Variants in RGS21 observed in about 807,000 individuals in gnomAD.
RGS21 encodes regulator of G-protein signalling 21.
In RGS21, 19 loss-of-function variants were observed where a neutral mutation model predicts 18.7. That is an observed-to-expected ratio of 1.01 (90% CI 0.71 to 1.49). RGS21 has a LOEUF of 1.49. Among genes scored for constraint, RGS21 ranks in the 40% most tolerant of loss-of-function variants. The pLI is 0.00. For synonymous variants in RGS21, 56 were observed against 57.8 expected (o/e 0.97, Z 0.14); for missense variants, 194 against 176.8 (o/e 1.10, Z -0.55).
At chr1:192,354,781 C>T (rs1016252597) in intron 4 of RGS21, among the ~76,000 whole-genome samples, 2 of 151,540 alleles carry the variant, frequency 1.3e-5, no homozygotes, top group African/African-American at 4.8e-5. Flanking sequence ...TACTCATATG[C>T]CTATTATATC....
At chr1:192,344,029 A>G (rs764845603) in intron 2 of RGS21, among the ~76,000 whole-genome samples, 9 of 152,042 alleles carry the variant, frequency 5.9e-5, no homozygotes, top group Non-Finnish European at 1.2e-4. Flanking sequence ...ACAGAAGATG[A>G]TATTTCTTAC....
intron 1 of RGS21, among the ~76,000 whole-genome samples, chr1:192,338,162 T>C (rs1270714582): frequency 6.6e-6 from 1 of 152,146 alleles, no homozygotes; most frequent in East Asian, 1.9e-4. Flanking sequence ...GTATTGCCAT[T>C]GCTCAAAACA....
At chr1:192,360,112 C>T (rs1004426077) in intron 4 of RGS21, among the ~76,000 whole-genome samples, 6 of 151,986 alleles carry the variant, frequency 3.9e-5, no homozygotes, top group Admixed American at 3.3e-4. Context: ...TCCACTCACT[C>T]TCCTGATGAT....
chr1:192,325,902 A>G (rs1658562711), intron 1 of RGS21, among the ~76,000 whole-genome samples: 1 of 152,066 alleles, frequency 6.6e-6, no homozygotes, highest in Admixed American at 6.6e-5. Context: ...TTGTGATACT[A>G]ATAAAATTTT....
At position 192,337,865 on chromosome 1, in the gene RGS21, G is replaced by GAA. The variant is rs544895056; in HGVS notation, c.-60-5107_-60-5106dup. On this transcript the variant is annotated intron_variant, in intron 1 of 4. Transcript: ENST00000417209. Reference sequence around the variant, plus strand: ...TTGAGGTATATGAATTCACTAAAGTGAAAAAATGTTATTTACTTTTAAAAC... The same window carrying GAA: ...TTGAGGTATATGAATTCACTAAAGTGAAAAAAAATGTTATTTACTTTTAAAAC... 1.5e-3 allele frequency among the ~76,000 whole-genome samples: 231 copies of GAA among 152,018 alleles called. 1 individual carries two copies. Among genetic ancestry groups the GAA allele is most frequent in the African/African-American group, 5.4e-3 (222 of 41,488 alleles).
rs544283892 is a variant in RGS21 at position 192,366,194 on chromosome 1, TG to T, written c.*71del. The T allele has an allele frequency of 2.8e-5, 26 of 913,960 alleles. No individual in the cohort carries two copies. Among genetic ancestry groups the T allele is most frequent in the Middle Eastern group, 2.8e-4 (1 of 3,622 alleles). 56.6% of individuals were successfully genotyped at this position (913,960 alleles called of 1,614,324 possible). ...TTTTAAATATACAAGCATGATGCAT[TG>T]TCTTTTGTTTTGTTTTTAGGATTTA... On this transcript the variant is annotated 3_prime_UTR_variant, in exon 5 of 5. Transcript: ENST00000417209.
intron 1 of RGS21, among the ~76,000 whole-genome samples, chr1:192,323,722 T>A (rs1047436196): frequency 6.6e-6 from 1 of 152,110 alleles, no homozygotes; most frequent in African/African-American, 2.4e-5. Flanking sequence ...GAACTGCAGG[T>A]GAAGACTGGA....
intron 1 of RGS21, among the ~76,000 whole-genome samples, chr1:192,321,002 T>C (rs926556847): frequency 1.3e-5 from 2 of 152,022 alleles, no homozygotes; most frequent in Non-Finnish European, 2.9e-5. Context: ...AATATTACCA[T>C]GACTCTATAT....
At chr1:192,318,180 A>C (rs1272800595) in intron 1 of RGS21, among the ~76,000 whole-genome samples, 1 of 152,154 alleles carries the variant, frequency 6.6e-6, no homozygotes, top group Non-Finnish European at 1.5e-5. Flanking sequence ...CATTATCTAA[A>C]AAAAACCTAG....
chr1:192,357,559 G>A (rs1274287965), intron 4 of RGS21, among the ~76,000 whole-genome samples: 1 of 151,804 alleles, frequency 6.6e-6, no homozygotes, highest in Non-Finnish European at 1.5e-5. Context: ...CACATTTTAA[G>A]GTGAAAAACT....
chr1:192,343,229 G>A (rs1310724373), intron 2 of RGS21, among the ~76,000 whole-genome samples, 182 bp downstream of exon 2: 1 of 151,804 alleles, frequency 6.6e-6, no homozygotes, highest in South Asian at 2.1e-4. Flanking sequence ...AGAATTTGTG[G>A]CTTACTTTTG....
At chr1:192,357,404 A>G (rs1173588710) in intron 4 of RGS21, among the ~76,000 whole-genome samples, 2 of 151,908 alleles carry the variant, frequency 1.3e-5, no homozygotes, top group African/African-American at 2.4e-5. Flanking sequence ...CTCCTTCAAA[A>G]GAAGAAAGGG....
At chr1:192,333,888 G>C (rs560678055) in intron 1 of RGS21, among the ~76,000 whole-genome samples, 10 of 152,066 alleles carry the variant, frequency 6.6e-5, no homozygotes, top group African/African-American at 2.4e-4. Context: ...CCAACCACTG[G>C]GATAGACTGT....
chr1:192,337,926 T>G (rs1658797197), intron 1 of RGS21, among the ~76,000 whole-genome samples: 1 of 152,184 alleles, frequency 6.6e-6, no homozygotes, highest in Non-Finnish European at 1.5e-5. Flanking sequence ...TCAGAAATCT[T>G]GAACTTCTAA....
intron 4 of RGS21, among the ~76,000 whole-genome samples, chr1:192,355,660 CA>C: frequency 6.6e-6 from 1 of 151,284 alleles, no homozygotes; most frequent in South Asian, 2.1e-4. Context: ...GAGTGGCAAA[CA>C]AAAAAATTCT....
intron 4 of RGS21, among the ~76,000 whole-genome samples, chr1:192,359,961 A>G (rs1409034423): frequency 2.0e-5 from 3 of 151,816 alleles, no homozygotes; most frequent in Non-Finnish European, 4.4e-5. Context: ...CTCCCTCTTA[A>G]TGGAAATATC....
intron 4 of RGS21, among the ~76,000 whole-genome samples, chr1:192,360,248 T>C (rs554504001): frequency 3.9e-4 from 59 of 152,250 alleles, no homozygotes; most frequent in Non-Finnish European, 7.1e-4. Flanking sequence ...ACTACTCTGT[T>C]CTTCCACTAT....
intron 1 of RGS21, among the ~76,000 whole-genome samples, chr1:192,320,811 A>AT (rs1311124756): frequency 1.3e-5 from 2 of 151,940 alleles, no homozygotes; most frequent in Non-Finnish European, 2.9e-5. Context: ...ATATTTTTAT[A>AT]TTTTTTCAGC....
chr1:192,352,381 A>G (rs1197156428), intron 4 of RGS21, among the ~76,000 whole-genome samples, 168 bp downstream of exon 4: 1 of 151,806 alleles, frequency 6.6e-6, no homozygotes, highest in Non-Finnish European at 1.5e-5. Context: ...CTTTTTTTTC[A>G]TTGATTCAGT....
Sources: gnomAD v4.1 joint callset for allele counts (sites outside exome capture counted in the v4.1 genomes callset) on GRCh38, gnomAD v4.1.1 for gene constraint, MANE v1.5 for transcripts, NCBI Gene and HGNC (gene_info 2026-07-23, HGNC 2026-07-21) for gene names.